SKAP1: variants seen among roughly 807,000 people sequenced by gnomAD.
The protein encoded by SKAP1 is src kinase-associated phosphoprotein 1.
In SKAP1, 44 loss-of-function variants were observed where a neutral mutation model predicts 58.5. The ratio of observed to expected loss-of-function variants is 0.75; its 90% CI spans 0.59 to 0.97. SKAP1 has a LOEUF of 0.97. Among genes scored for constraint, SKAP1 ranks in the 50% least tolerant of loss-of-function variants. The pLI, the probability that SKAP1 is intolerant of heterozygous loss-of-function variation, is 0.00. For missense variants in SKAP1, 390 were observed against 435.2 expected (o/e 0.90, Z 0.92); for synonymous variants, 127 against 149.7 (o/e 0.85, Z 1.11).
At chr17:48,237,040 T>C (rs1347843300) in intron 4 of SKAP1, among the ~76,000 whole-genome samples, 1 of 152,220 alleles carries the variant, frequency 6.6e-6, no homozygotes, top group Non-Finnish European at 1.5e-5. Context: ...GACTCACTCA[T>C]GATCATACAA....
intron 11 of SKAP1, among the ~76,000 whole-genome samples, chr17:48,153,939 T>C (rs1020597129): frequency 2.0e-5 from 3 of 150,422 alleles, no homozygotes; most frequent in African/African-American, 4.9e-5. Flanking sequence ...TTTAAGGCAA[T>C]TGAAGGAATT....
chr17:48,311,474 GGGGGA>G (rs1299485463), intron 4 of SKAP1, among the ~76,000 whole-genome samples: 2 of 152,024 alleles, frequency 1.3e-5, no homozygotes, highest in African/African-American at 2.4e-5. Context: ...GCTTTTTTGC[GGGGGA>G]GGAGGGAAGG....
At chr17:48,264,296 T>C (rs1403858578) in intron 4 of SKAP1, among the ~76,000 whole-genome samples, 1 of 152,082 alleles carries the variant, frequency 6.6e-6, no homozygotes. Context: ...TAAAGAGGTC[T>C]TACTATGTTC....
At chr17:48,151,249 TTC>T (rs2063899723) in intron 11 of SKAP1, among the ~76,000 whole-genome samples, 1 of 152,318 alleles carries the variant, frequency 6.6e-6, no homozygotes, top group Admixed American at 6.5e-5. Context: ...CTAGATGCAC[TTC>T]TGTTATTTTA....
intron 4 of SKAP1, among the ~76,000 whole-genome samples, chr17:48,208,343 G>A (rs1403439466): frequency 6.6e-6 from 1 of 152,188 alleles, no homozygotes; most frequent in Non-Finnish European, 1.5e-5. Flanking sequence ...ACCGGGGAAA[G>A]GGATGAAGGA....
At chr17:48,242,272 T>C (rs1383825880) in intron 4 of SKAP1, among the ~76,000 whole-genome samples, 1 of 152,182 alleles carries the variant, frequency 6.6e-6, no homozygotes, top group Non-Finnish European at 1.5e-5. Flanking sequence ...TGAACGTCGT[T>C]GATCAGTGTG....
At chr17:48,150,563 T>G (rs1230547636) in intron 11 of SKAP1, among the ~76,000 whole-genome samples, 1 of 152,232 alleles carries the variant, frequency 6.6e-6, no homozygotes, top group Non-Finnish European at 1.5e-5. Flanking sequence ...TCGATTATCT[T>G]TCCCAGTCCG....
intron 4 of SKAP1, among the ~76,000 whole-genome samples, chr17:48,224,503 T>C (rs1481680619): frequency 6.6e-6 from 1 of 152,218 alleles, no homozygotes; most frequent in Non-Finnish European, 1.5e-5. Context: ...GATTTAAATA[T>C]AGTTGCTCTA....
At chr17:48,425,486 A>T (rs2067845843) in intron 1 of SKAP1, among the ~76,000 whole-genome samples, 1 of 152,192 alleles carries the variant, frequency 6.6e-6, no homozygotes, top group Non-Finnish European at 1.5e-5. Flanking sequence ...ATAATCAGAA[A>T]ATTTTAACAT....
intron 4 of SKAP1, among the ~76,000 whole-genome samples, chr17:48,290,994 C>T (rs2065891104): frequency 6.6e-6 from 1 of 151,892 alleles, no homozygotes; most frequent in Non-Finnish European, 1.5e-5. Flanking sequence ...AATTAGCTGG[C>T]TGTGGTGGCA....
At chr17:48,146,699 G>A (rs909017210) in intron 11 of SKAP1, among the ~76,000 whole-genome samples, 6 of 150,660 alleles carry the variant, frequency 4.0e-5, no homozygotes, top group African/African-American at 1.5e-4. Context: ...CACGATCTCG[G>A]CTCACTGCAA....
intron 4 of SKAP1, among the ~76,000 whole-genome samples, chr17:48,331,547 A>G (rs999361965): frequency 6.6e-6 from 1 of 152,076 alleles, no homozygotes; most frequent in African/African-American, 2.4e-5. Context: ...TAAAAATACA[A>G]AATTAGCCGG....
intron 4 of SKAP1, among the ~76,000 whole-genome samples, chr17:48,278,870 G>C (rs1384794026): frequency 6.6e-6 from 1 of 152,088 alleles, no homozygotes; most frequent in Non-Finnish European, 1.5e-5. Flanking sequence ...GTTACTATGA[G>C]GAGGGAACTA....
At chr17:48,372,771 GCT>G (rs2067103185) in intron 2 of SKAP1, among the ~76,000 whole-genome samples, 1 of 152,126 alleles carries the variant, frequency 6.6e-6, no homozygotes, top group South Asian at 2.1e-4. Flanking sequence ...CTCCGAAGTA[GCT>G]GGGACTATAG....
chr17:48,312,535 C>G (rs1233106972), intron 4 of SKAP1, among the ~76,000 whole-genome samples: 7 of 152,052 alleles, frequency 4.6e-5, no homozygotes, highest in African/African-American at 1.4e-4. Flanking sequence ...AAAATAATAC[C>G]AGGGTAAAGA....
At chr17:48,387,252 C>T (rs2067288910) in intron 2 of SKAP1, among the ~76,000 whole-genome samples, 1 of 152,194 alleles carries the variant, frequency 6.6e-6, no homozygotes, top group South Asian at 2.1e-4. Context: ...TTACCATTTT[C>T]ATCATCAGCT....
intron 2 of SKAP1, among the ~76,000 whole-genome samples, chr17:48,390,043 T>C (rs2067326950): frequency 6.6e-6 from 1 of 152,162 alleles, no homozygotes; most frequent in South Asian, 2.1e-4. Flanking sequence ...TTCAAGTGAC[T>C]CAGTGTTACA....
intron 4 of SKAP1, among the ~76,000 whole-genome samples, chr17:48,278,984 C>A (rs2065735568): frequency 6.6e-6 from 1 of 152,130 alleles, no homozygotes; most frequent in Admixed American, 6.5e-5. Flanking sequence ...GTTGTTAACT[C>A]CCAGGCCATA....
intron 12 of SKAP1, among the ~76,000 whole-genome samples, chr17:48,136,769 G>T (rs2144562770): frequency 6.6e-6 from 1 of 151,374 alleles, no homozygotes; most frequent in South Asian, 2.1e-4. Context: ...CCGCTTCCCG[G>T]GTTCAAGCGA....
Sources: allele counts gnomAD v4.1 joint callset (sites outside exome capture counted in the v4.1 genomes callset), GRCh38; gene constraint gnomAD v4.1.1; transcripts MANE v1.5; gene names NCBI Gene and HGNC (gene_info 2026-07-23, HGNC 2026-07-21).